The following DLC1 variants were observed in gnomAD, a reference collection of about 807,000 sequenced individuals.
The protein encoded by DLC1 is DLC1 Rho GTPase activating protein.
A neutral mutation model predicts 140.3 loss-of-function variants in DLC1; 54 were observed. That is an observed-to-expected ratio of 0.38 (90% CI 0.31 to 0.48). DLC1 has a LOEUF of 0.48. DLC1 is among the 20% of genes least tolerant of loss of function. The pLI is 0.96. For synonymous variants in DLC1, 986 were observed against 728.1 expected (o/e 1.35, Z -5.70); for missense variants, 2,536 against 1,907.0 (o/e 1.33, Z -6.14).
At chr8:13,446,060 C>T (rs1232357742) in intron 2 of DLC1, among the ~76,000 whole-genome samples, 5 of 152,152 alleles carry the variant, frequency 3.3e-5, no homozygotes, top group African/African-American at 9.7e-5. Flanking sequence ...GCTACCTGAA[C>T]AGTGTGGTCA....
chr8:13,124,790 C>T (rs766665449), intron 5 of DLC1, among the ~76,000 whole-genome samples: 1 of 152,132 alleles, frequency 6.6e-6, no homozygotes, highest in Admixed American at 6.5e-5. Flanking sequence ...TCTCTAAGAC[C>T]ACCTCTAGAA....
chr8:13,479,108 C>T (rs1800567654), intron 2 of DLC1, among the ~76,000 whole-genome samples: 2 of 152,086 alleles, frequency 1.3e-5, no homozygotes, highest in Admixed American at 1.3e-4. Flanking sequence ...TTTATGCTTC[C>T]CTCCTGTAGA....
At chr8:13,208,400 T>C (rs978078205) in intron 5 of DLC1, among the ~76,000 whole-genome samples, 1 of 152,190 alleles carries the variant, frequency 6.6e-6, no homozygotes, top group African/African-American at 2.4e-5. Flanking sequence ...TTTTGGCCAG[T>C]CTTCCCAAGA....
At chr8:13,380,683 A>G in intron 4 of DLC1, among the ~76,000 whole-genome samples, 1 of 152,200 alleles carries the variant, frequency 6.6e-6, no homozygotes, top group Admixed American at 6.5e-5. Flanking sequence ...GGTATTCATA[A>G]TCACAGCTCA....
At chr8:13,600,276 T>A (rs1805831550) in intron 1 of DLC1, among the ~76,000 whole-genome samples, 2 of 151,900 alleles carry the variant, frequency 1.3e-5, no homozygotes, top group Admixed American at 6.6e-5. Flanking sequence ...AGGCATGGAC[T>A]ATATAGAATT....
chr8:13,519,201 C>G (rs1486283798), upstream of DLC1, among the ~76,000 whole-genome samples: 2 of 150,132 alleles, frequency 1.3e-5, no homozygotes, highest in African/African-American at 2.5e-5. Context: ...AATCTCGGCT[C>G]ACTGCAAGCT....
chr8:13,109,731 C>T (rs1819908733), intron 7 of DLC1, among the ~76,000 whole-genome samples: 1 of 151,404 alleles, frequency 6.6e-6, no homozygotes, highest in Non-Finnish European at 1.5e-5. Context: ...TGAAAATACA[C>T]AAAATTAGCT....
intron 1 of DLC1, among the ~76,000 whole-genome samples, chr8:13,520,408 G>T (rs1456146792): frequency 6.6e-6 from 1 of 152,034 alleles, no homozygotes; most frequent in African/African-American, 2.4e-5. Context: ...TCACCCATAA[G>T]TGGGAGTTGA....
At chr8:13,535,279 A>G (rs1247612229) in intron 1 of DLC1, among the ~76,000 whole-genome samples, 3 of 152,114 alleles carry the variant, frequency 2.0e-5, no homozygotes, top group Non-Finnish European at 4.4e-5. Context: ...ATAGGTTGTC[A>G]GGAAGGAAGG....
intron 2 of DLC1, among the ~76,000 whole-genome samples, chr8:13,459,112 A>G (rs1318703226): frequency 1.3e-5 from 2 of 152,228 alleles, no homozygotes; most frequent in South Asian, 2.1e-4. Flanking sequence ...TTGATTTTCT[A>G]AAAGCAGCAC....
At chr8:13,443,678 AAAAG>A (rs961363803) in intron 2 of DLC1, among the ~76,000 whole-genome samples, 2 of 151,304 alleles carry the variant, frequency 1.3e-5, no homozygotes, top group African/African-American at 2.4e-5. Flanking sequence ...AAAAAAAAGA[AAAAG>A]AAAAAAACAG....
chr8:13,479,891 A>G (rs535162564), intron 2 of DLC1, among the ~76,000 whole-genome samples: 9 of 99,134 alleles, frequency 9.1e-5, no homozygotes, highest in African/African-American at 2.6e-4. Context: ...AAGAAAGAAA[A>G]AGAAAGAAAG....
At chr8:13,173,338 C>G (rs1825585729) in intron 5 of DLC1, among the ~76,000 whole-genome samples, 1 of 149,914 alleles carries the variant, frequency 6.7e-6, no homozygotes, top group Admixed American at 6.7e-5. Flanking sequence ...CTATGGAAAC[C>G]AAATAATGCT....
At chr8:13,268,914 G>T (rs1479740516) in intron 5 of DLC1, among the ~76,000 whole-genome samples, 1 of 144,710 alleles carries the variant, frequency 6.9e-6, no homozygotes. Flanking sequence ...TCACTCTGTG[G>T]CCCAGGCTAG....
intron 5 of DLC1, among the ~76,000 whole-genome samples, chr8:13,149,462 G>A (rs1226511309): frequency 6.6e-6 from 1 of 152,082 alleles, no homozygotes; most frequent in Non-Finnish European, 1.5e-5. Flanking sequence ...CCCTAGCCCT[G>A]TATTGAGCCA....
At chr8:13,549,646 G>A (rs985285255) in intron 1 of DLC1, among the ~76,000 whole-genome samples, 4 of 152,152 alleles carry the variant, frequency 2.6e-5, no homozygotes, top group Non-Finnish European at 5.9e-5. Flanking sequence ...AAAGGATGTG[G>A]TAGAAAAAAC....
At chr8:13,297,282 T>A (rs866480968) in intron 5 of DLC1, among the ~76,000 whole-genome samples, 9 of 9,636 alleles carry the variant, frequency 9.3e-4, no homozygotes, top group Non-Finnish European at 1.4e-3. Flanking sequence ...CTTCATACAT[T>A]AAAAAAAAAA....
chr8:13,551,851 T>G (rs1225584010), intron 1 of DLC1, among the ~76,000 whole-genome samples: 2 of 141,010 alleles, frequency 1.4e-5, no homozygotes, highest in Admixed American at 1.5e-4. Context: ...TATATGCACC[T>G]CTAGACAAGT....
At chr8:13,136,405 G>C (rs1822562413) in intron 5 of DLC1, among the ~76,000 whole-genome samples, 1 of 152,028 alleles carries the variant, frequency 6.6e-6, no homozygotes, top group African/African-American at 2.4e-5. Context: ...TCAGTGTTTA[G>C]CTCCCACTTA....
Sources: allele counts gnomAD v4.1 joint callset (sites outside exome capture counted in the v4.1 genomes callset), GRCh38; gene constraint gnomAD v4.1.1; transcripts MANE v1.5; gene names NCBI Gene and HGNC (gene_info 2026-07-23, HGNC 2026-07-21).